The following LTBP1 variants were observed in gnomAD, a reference collection of about 807,000 sequenced individuals.
LTBP1 encodes latent transforming growth factor beta binding protein 1.
LTBP1 carries 129 observed loss-of-function variants against 207.6 expected under a neutral mutation model. The observed-to-expected ratio is 0.62, with a 90% CI of 0.54 to 0.72. The LOEUF (loss-of-function observed/expected upper bound fraction) is 0.72. Among genes scored for constraint, LTBP1 ranks in the 30% least tolerant of loss-of-function variants. LTBP1 has a pLI of 0.00. For missense variants in LTBP1, 2,281 were observed against 2,217.2 expected (o/e 1.03, Z -0.58); for synonymous variants, 963 against 833.7 (o/e 1.16, Z -2.67).
At chr2:33,006,959 C>T (rs909708203) in intron 2 of LTBP1, among the ~76,000 whole-genome samples, 1 of 152,220 alleles carries the variant, frequency 6.6e-6, no homozygotes, top group African/African-American at 2.4e-5. Context: ...CTGCTGCTCC[C>T]TTTTGGCATG....
chr2:33,120,820 A>T (rs1289618670), intron 4 of LTBP1, among the ~76,000 whole-genome samples: 3 of 152,144 alleles, frequency 2.0e-5, no homozygotes, highest in Non-Finnish European at 4.4e-5. Flanking sequence ...GCAGTGTTGT[A>T]TGTGTATTTT....
chr2:33,188,738 A>T lies in LTBP1; in HGVS notation c.1588A>T (p.Lys530Ter). The change falls in exon 7 of 34, where the codon AAG (lysine) becomes TAG (stop). Residue 530 changes from lysine (K) to a stop codon, truncating the protein, a stop_gained. Coordinates refer to ENST00000404816, the MANE Select transcript of LTBP1 (RefSeq NM_206943.4). LOFTEE classifies it high-confidence loss of function. ...CTCGTACCAAGGGCTTCCTGTCCAG[A>T]AGACCCAGACCATACATTCCACATA... ...QVSYQGLPVQ[K>*]TQTIHSTYSH... 1 of 1,614,174 alleles carries T rather than the reference A, an allele frequency of 6.2e-7. No homozygotes were observed. Among genetic ancestry groups the T allele is most frequent in the South Asian group, 1.1e-5 (1 of 91,086 alleles).
chr2:32,959,549 A>ATG (rs10649487), intron 2 of LTBP1, among the ~76,000 whole-genome samples: 476 of 125,338 alleles, frequency 3.8e-3, no homozygotes, highest in Middle Eastern at 7.9e-3. Context: ...CTGTATATAT[A>ATG]TGTGTGTGTG....
At chr2:33,105,637 T>TTAGTAAAGATGG (rs2080024865) in intron 3 of LTBP1, among the ~76,000 whole-genome samples, 1 of 152,154 alleles carries the variant, frequency 6.6e-6, no homozygotes, top group African/African-American at 2.4e-5. Context: ...TTTATCATGT[T>TTAGTAAAGATGG]GGCTAGGCTG....
intron 7 of LTBP1, among the ~76,000 whole-genome samples, chr2:33,199,275 C>A (rs373078908): frequency 6.6e-6 from 1 of 152,064 alleles, no homozygotes; most frequent in Non-Finnish European, 1.5e-5. Context: ...AGTTTGTTAT[C>A]ATTTCTGTTC....
chr2:33,059,551 A>G (rs2077167495), intron 3 of LTBP1, among the ~76,000 whole-genome samples: 1 of 152,218 alleles, frequency 6.6e-6, no homozygotes, highest in Admixed American at 6.5e-5. Context: ...TATAGGATTA[A>G]AACAATGGAG....
chr2:33,202,712 G>T (rs1193844041), intron 7 of LTBP1, among the ~76,000 whole-genome samples: 1 of 152,246 alleles, frequency 6.6e-6, no homozygotes, highest in East Asian at 1.9e-4. Flanking sequence ...GGCTGGGTCA[G>T]TAGAGGGCAG....
At chr2:33,349,602 C>T (rs1016533779) in intron 26 of LTBP1, among the ~76,000 whole-genome samples, 34 of 152,134 alleles carry the variant, frequency 2.2e-4, no homozygotes, top group African/African-American at 7.7e-4. Context: ...GAGTGAGAAT[C>T]TAAAGCCTTT....
At chr2:33,353,129 C>G (rs2094805676) in intron 26 of LTBP1, among the ~76,000 whole-genome samples, 1 of 151,904 alleles carries the variant, frequency 6.6e-6, no homozygotes, top group Non-Finnish European at 1.5e-5. Context: ...CAGGCCTGTG[C>G]CACCATGCCC....
chr2:33,150,203 C>G (rs940216609), intron 5 of LTBP1, among the ~76,000 whole-genome samples: 3 of 152,074 alleles, frequency 2.0e-5, no homozygotes, highest in African/African-American at 4.8e-5. Flanking sequence ...AGCAGTCTTC[C>G]GTTATGTTTT....
intron 20 of LTBP1, among the ~76,000 whole-genome samples, chr2:33,296,153 C>A (rs553527282): frequency 1.3e-5 from 2 of 152,312 alleles, no homozygotes; most frequent in African/African-American, 4.8e-5. Flanking sequence ...CCTTAGGAGT[C>A]ATGGTTAATC....
intron 5 of LTBP1, among the ~76,000 whole-genome samples, chr2:33,169,512 TAAGC>T (rs2085233250): frequency 6.6e-6 from 1 of 152,196 alleles, no homozygotes; most frequent in Non-Finnish European, 1.5e-5. Flanking sequence ...GTTGAATAAT[TAAGC>T]AAGAAAGAGA....
In LTBP1 at chr2:33,103,037, A is replaced by G. The variant is rs1299746330; in HGVS notation, c.864-7545A>G. 5.3e-5 allele frequency among the ~76,000 whole-genome samples: 8 copies of G among 151,232 alleles called. No homozygotes were observed. In the East Asian group the frequency reaches 1.6e-3, roughly 30 times the overall value. On this transcript the variant is annotated intron_variant, in intron 3 of 33. Transcript: ENST00000404816. ...TATGCTGTATGCATTGTCTGTATGC[A>G]TAGTCTGTATGTTGTATGCACTGTC... is the stretch of plus-strand genomic sequence containing the variant.
At chr2:33,144,722 T>C (rs1450554997) in intron 5 of LTBP1, among the ~76,000 whole-genome samples, 2 of 152,236 alleles carry the variant, frequency 1.3e-5, no homozygotes, top group Non-Finnish European at 1.5e-5. Context: ...TATATATACC[T>C]GCACCATTTA....
intron 19 of LTBP1, among the ~76,000 whole-genome samples, chr2:33,287,155 CATTA>C (rs2093682685): frequency 6.6e-6 from 1 of 152,136 alleles, no homozygotes. Flanking sequence ...TTTGTGGGAA[CATTA>C]ATTATTATAA....
At chr2:33,127,615 T>C (rs568407783) in intron 4 of LTBP1, among the ~76,000 whole-genome samples, 7 of 152,210 alleles carry the variant, frequency 4.6e-5, no homozygotes, top group Non-Finnish European at 1.0e-4. Context: ...TTGTTATAGA[T>C]AGAAAAGGAG....
chr2:33,355,282 G>T lies in LTBP1; in HGVS notation c.4001-5315G>T, dbSNP rs546317786. Among the ~76,000 whole-genome samples, 3 of 152,032 alleles carry T rather than the reference G, an allele frequency of 2.0e-5. No homozygotes were observed. The South Asian group carries it at 6.2e-4, about 32-fold the overall frequency. Reference sequence around the variant, plus strand: ...CTCGTTTTTCTTTCTCTGCAGTACAGCTATCCCTTGGTATTTAAGGGGGCT... The same window carrying T: ...CTCGTTTTTCTTTCTCTGCAGTACATCTATCCCTTGGTATTTAAGGGGGCT... On this transcript the variant is annotated intron_variant, in intron 26 of 33. Coordinates refer to ENST00000404816, the MANE Select transcript of LTBP1 (RefSeq NM_206943.4).
chr2:33,270,999 A>G (rs186471039), intron 15 of LTBP1, among the ~76,000 whole-genome samples: 171 of 152,296 alleles, frequency 1.1e-3, no homozygotes, highest in African/African-American at 4.0e-3. Flanking sequence ...CTTCTTCACT[A>G]TTTCTCCTAC....
At chr2:32,957,822 T>C (rs773361093) in intron 2 of LTBP1, among the ~76,000 whole-genome samples, 15 of 152,234 alleles carry the variant, frequency 9.9e-5, no homozygotes, top group Non-Finnish European at 1.9e-4. Flanking sequence ...TGCCTGTACA[T>C]GCATATACTG....
Sources: gnomAD v4.1 joint callset for allele counts (sites outside exome capture counted in the v4.1 genomes callset) on GRCh38, gnomAD v4.1.1 for gene constraint, MANE v1.5 for transcripts, NCBI Gene and HGNC (gene_info 2026-07-23, HGNC 2026-07-21) for gene names.